MINDY3: variants seen among roughly 807,000 people sequenced by gnomAD.
MINDY3 encodes ubiquitin carboxyl-terminal hydrolase MINDY-3.
Under a neutral mutation model 69.2 loss-of-function variants are expected in MINDY3, and 38 were observed. The ratio of observed to expected loss-of-function variants is 0.55; its 90% confidence interval spans 0.42 to 0.72. The LOEUF is 0.72. Among genes scored for constraint, MINDY3 ranks in the 30% least tolerant of loss-of-function variants. The pLI is 0.00. For missense variants in MINDY3, 522 were observed against 519.0 expected (o/e 1.01, Z -0.06); for synonymous variants, 192 against 180.1 (o/e 1.07, Z -0.53).
intron 11 of MINDY3, among the ~76,000 whole-genome samples, chr10:15,790,926 T>C (rs1837361153): frequency 6.6e-6 from 1 of 152,100 alleles, no homozygotes; most frequent in African/African-American, 2.4e-5. Flanking sequence ...AACCATAACC[T>C]GCAACTCAGT....
intron 13 of MINDY3, among the ~76,000 whole-genome samples, chr10:15,783,235 T>C (rs1836689467): frequency 6.6e-6 from 1 of 152,160 alleles, no homozygotes; most frequent in African/African-American, 2.4e-5. Context: ...GCTTCTTCAA[T>C]TCACCTGAGC....
chr10:15,782,786 C>T (rs1016217985), intron 13 of MINDY3, among the ~76,000 whole-genome samples: 19 of 152,052 alleles, frequency 1.2e-4, no homozygotes, highest in Admixed American at 6.5e-5. Flanking sequence ...ATGCTTAAGG[C>T]GATTTCAGTA....
chr10:15,788,557 G>GA, intron 12 of MINDY3, among the ~76,000 whole-genome samples: 1 of 151,938 alleles, frequency 6.6e-6, no homozygotes, highest in Non-Finnish European at 1.5e-5. Flanking sequence ...AAACTATGCT[G>GA]AAAAAAGGAG....
At chr10:15,852,950 G>T (rs1264662558) in intron 1 of MINDY3, among the ~76,000 whole-genome samples, 1 of 152,152 alleles carries the variant, frequency 6.6e-6, no homozygotes, top group Non-Finnish European at 1.5e-5. Context: ...CATTTACAGT[G>T]TATTAGGTAT....
chr10:15,782,467 G>GAACT (rs1182397572), intron 13 of MINDY3: 2 of 409,700 alleles, frequency 4.9e-6, no homozygotes, highest in Non-Finnish European at 8.6e-6. Context: ...AAGCTCTTCA[G>GAACT]AACTAACTTA....
chr10:15,811,958 T>C lies in MINDY3; in HGVS notation c.882+4877A>G, dbSNP rs144801739. ...AATTTTTTTATTATTTTTATTTTTT[T>C]TGAGATGGAGTCTTGCTCCTTCACC... On this transcript the variant is annotated intron_variant, in intron 10 of 14. Transcript: ENST00000277632. 3.4e-3 allele frequency among the ~76,000 whole-genome samples: 512 copies of C among 152,278 alleles called. 3 individuals are homozygous for C. The highest frequency in any genetic ancestry group is 0.012 in the African/African-American group (487 of 41,558).
chr10:15,837,427 G>C (rs1318557386), intron 5 of MINDY3, 109 bp from the exon 6 acceptor site: 1 of 1,234,460 alleles, frequency 8.1e-7, no homozygotes, highest in African/African-American at 1.6e-5. Context: ...CATACAAACA[G>C]GAAAGTTTTG....
At chr10:15,832,615 G>C (rs1053977676) in intron 8 of MINDY3, among the ~76,000 whole-genome samples, 1 of 152,060 alleles carries the variant, frequency 6.6e-6, no homozygotes, top group African/African-American at 2.4e-5. Flanking sequence ...CCAAAACTTG[G>C]CTCTCATTCT....
rs954628302 is a variant in MINDY3 at position 15,816,782 on chromosome 10, A to G, written c.882+53T>C. ...GATCCAAACCAAATATGAACTTATA[A>G]TACTTGTTTGCCTGATGTCATAACT... On this transcript the variant is annotated intron_variant, in intron 10 of 14. Coordinates refer to ENST00000277632, the MANE Select transcript of MINDY3 (RefSeq NM_024948.4). 1.4e-5 allele frequency: 17 copies of G among 1,207,384 alleles called. No homozygotes were observed. The East Asian group carries it at 2.6e-4, about 18-fold the overall frequency. 74.8% of individuals were successfully genotyped at this position (1,207,384 alleles called of 1,614,324 possible).
At chr10:15,859,854 G>A (rs754137889) in intron 1 of MINDY3, among the ~76,000 whole-genome samples, 24 of 152,192 alleles carry the variant, frequency 1.6e-4, no homozygotes, top group Non-Finnish European at 2.5e-4. Context: ...GTAAAGATGC[G>A]GAAGGCCACA....
At chr10:15,842,566 T>C (rs979385287) in intron 3 of MINDY3, among the ~76,000 whole-genome samples, 1 of 151,894 alleles carries the variant, frequency 6.6e-6, no homozygotes, top group African/African-American at 2.4e-5. Context: ...GATTCTATAG[T>C]CATGGTTTGG....
intron 8 of MINDY3, among the ~76,000 whole-genome samples, chr10:15,827,484 A>C (rs1840169318): frequency 6.6e-6 from 1 of 152,028 alleles, no homozygotes; most frequent in Non-Finnish European, 1.5e-5. Flanking sequence ...CAGAGGTTGC[A>C]GTGAGCCAGG....
chr10:15,784,325 A>T (rs1836784879), intron 13 of MINDY3, among the ~76,000 whole-genome samples: 1 of 152,220 alleles, frequency 6.6e-6, no homozygotes, highest in Non-Finnish European at 1.5e-5. Flanking sequence ...CCTCTACATC[A>T]TAGCAAATAA....
intron 4 of MINDY3, among the ~76,000 whole-genome samples, chr10:15,841,167 A>G (rs899071943): frequency 1.3e-5 from 2 of 151,278 alleles, no homozygotes; most frequent in Non-Finnish European, 3.0e-5. Flanking sequence ...CTCAAAAGAG[A>G]TTATTATCAA....
At chr10:15,801,202 A>T (rs1838236322) in intron 10 of MINDY3, among the ~76,000 whole-genome samples, 1 of 152,164 alleles carries the variant, frequency 6.6e-6, no homozygotes, top group South Asian at 2.1e-4. Context: ...GCCATAAAGG[A>T]CATTTATAAG....
At chr10:15,821,773 A>G (rs1412241179) in intron 8 of MINDY3, 47 bp from the exon 9 acceptor site, 7 of 1,489,350 alleles carry the variant, frequency 4.7e-6, no homozygotes, top group Non-Finnish European at 6.5e-6. Flanking sequence ...TTAGCATTGT[A>G]GTAGTGTGTA....
Position 15,837,312 on chromosome 10 carries a change from T to C in MINDY3, c.468A>G (p.Arg156=). The part of the protein sequence containing the change: ...FERFHALIQK[R]SFRSLPELKD... ...TTAATTCTGGTAAACTTCTGAACGA[T>C]CTTTTTCTGGGGGAAAAAAAGAATT... is the stretch of plus-strand genomic sequence containing the variant. Residue 156 remains arginine, a synonymous_variant, in exon 6 of 15, where the codon AGA becomes AGG. Transcript: ENST00000277632. The C allele has an allele frequency of 1.3e-6, 2 of 1,590,214 alleles. No individual in the cohort carries two copies. Among genetic ancestry groups the C allele is most frequent in the South Asian group, 1.1e-5 (1 of 87,200 alleles).
At chr10:15,845,348 ATTC>A (rs1248666459) in intron 2 of MINDY3, among the ~76,000 whole-genome samples, 64 of 152,264 alleles carry the variant, frequency 4.2e-4, no homozygotes, top group Non-Finnish European at 7.4e-4. Context: ...TATTTTGCCT[ATTC>A]TTCTTACACA....
chr10:15,834,989 TA>T (rs1237734293), intron 6 of MINDY3, among the ~76,000 whole-genome samples: 1 of 152,084 alleles, frequency 6.6e-6, no homozygotes, highest in African/African-American at 2.4e-5. Flanking sequence ...TTAGATCATG[TA>T]AAAACTTATT....
Sources: allele counts gnomAD v4.1 joint callset (sites outside exome capture counted in the v4.1 genomes callset), GRCh38; gene constraint gnomAD v4.1.1; transcripts MANE v1.5; gene names NCBI Gene and HGNC (gene_info 2026-07-23, HGNC 2026-07-21).